Variants in MEMO1 observed in about 807,000 individuals in gnomAD.
MEMO1 encodes protein MEMO1.
A neutral mutation model predicts 45.2 loss-of-function variants in MEMO1; 6 were observed. The ratio of observed to expected loss-of-function variants is 0.13; its 90% CI spans 0.07 to 0.26. The LOEUF (loss-of-function observed/expected upper bound fraction) is 0.26. Ranked by LOEUF, MEMO1 falls within the 10% of genes least tolerant of loss-of-function variation. The pLI is 1.00. For missense variants in MEMO1, 184 were observed against 370.5 expected, an observed-to-expected ratio of 0.50 and a Z score of 4.13; for synonymous variants, 78 against 124.3, an observed-to-expected ratio of 0.63 and a Z score of 2.48.
chr2:31,996,760 G>A (rs928992568), intron 2 of MEMO1, among the ~76,000 whole-genome samples: 6 of 152,082 alleles, frequency 3.9e-5, no homozygotes, highest in Admixed American at 6.6e-5. Context: ...AGTCAAGGTC[G>A]TGCTCTGTCA....
intron 2 of MEMO1, among the ~76,000 whole-genome samples, chr2:31,967,532 T>C (rs756718342): frequency 6.6e-6 from 1 of 152,198 alleles, no homozygotes; most frequent in Non-Finnish European, 1.5e-5. Context: ...CACTGCAGCC[T>C]TGACCTCCGG....
intron 2 of MEMO1, among the ~76,000 whole-genome samples, chr2:31,968,042 A>G (rs1174239947): frequency 6.6e-6 from 1 of 152,152 alleles, no homozygotes; most frequent in Non-Finnish European, 1.5e-5. Flanking sequence ...TGGAAGTAAA[A>G]ACTCACAATG....
At chr2:31,894,615 G>C (rs1677474232) in intron 6 of MEMO1, among the ~76,000 whole-genome samples, 3 of 152,138 alleles carry the variant, frequency 2.0e-5, no homozygotes, top group Admixed American at 6.5e-5. Flanking sequence ...AAGGTCCTAA[G>C]CTCCACACAA....
At chr2:31,875,690 T>A (rs1418164101) in intron 8 of MEMO1, among the ~76,000 whole-genome samples, 1 of 151,798 alleles carries the variant, frequency 6.6e-6, no homozygotes, top group African/African-American at 2.4e-5. Context: ...ACTTCCTTTA[T>A]TTTTTTTCTT....
In MEMO1 at chr2:31,932,053, AC is replaced by A; in HGVS notation, c.212+13del. 6.2e-7 allele frequency: 1 copy of A among 1,607,928 alleles called. No individual in the cohort carries two copies. The highest frequency in any genetic ancestry group is 1.1e-5 in the South Asian group (1 of 90,082). On this transcript the variant is annotated intron_variant, in intron 4 of 9. Transcript: ENST00000404530. ...TCAAGCTTCTCCGACTTAAAACAAA[AC>A]TACATTACTTACGTAATAGACGGAT...
At chr2:31,927,580 G>C (rs533091163) in intron 4 of MEMO1, among the ~76,000 whole-genome samples, 1 of 147,718 alleles carries the variant, frequency 6.8e-6, no homozygotes, top group East Asian at 2.0e-4. Flanking sequence ...CTTTTATTAA[G>C]CCAAACATTA....
At chr2:31,893,481 A>C (rs1179126177) in intron 6 of MEMO1, among the ~76,000 whole-genome samples, 1 of 152,210 alleles carries the variant, frequency 6.6e-6, no homozygotes, top group African/African-American at 2.4e-5. Context: ...AATTATTCTA[A>C]CCTCAACTAC....
intron 3 of MEMO1, among the ~76,000 whole-genome samples, chr2:31,934,005 G>C (rs969344052): frequency 1.3e-5 from 2 of 152,122 alleles, no homozygotes; most frequent in African/African-American, 4.8e-5. Flanking sequence ...CTAACACCTG[G>C]TTCTTGATCT....
intron 8 of MEMO1, among the ~76,000 whole-genome samples, chr2:31,871,164 A>G (rs1673664035): frequency 6.6e-6 from 1 of 152,210 alleles, no homozygotes; most frequent in African/African-American, 2.4e-5. Flanking sequence ...CACCAATTAT[A>G]TTATTTTCTT....
chr2:31,909,469 C>G (rs1481506199), intron 6 of MEMO1, among the ~76,000 whole-genome samples: 1 of 152,048 alleles, frequency 6.6e-6, no homozygotes, highest in African/African-American at 2.4e-5. Flanking sequence ...AAACAGCAAT[C>G]AAACTGAAAA....
At chr2:31,923,452 A>C in intron 4 of MEMO1, 1 of 475,428 alleles carries the variant, frequency 2.1e-6, no homozygotes, top group South Asian at 6.6e-5. Flanking sequence ...GAACCATTTC[A>C]AAAAAAAAGT....
intron 2 of MEMO1, among the ~76,000 whole-genome samples, chr2:31,994,856 G>A (rs1254106831): frequency 6.6e-6 from 1 of 151,906 alleles, no homozygotes; most frequent in Admixed American, 6.6e-5. Context: ...GCTGAGGCAG[G>A]AGGATCAATT....
At chr2:32,003,100 A>G (rs1011320240) in intron 2 of MEMO1, among the ~76,000 whole-genome samples, 2 of 152,182 alleles carry the variant, frequency 1.3e-5, no homozygotes, top group South Asian at 2.1e-4. Context: ...ACCAAGATGT[A>G]TTATTTTGAC....
At chr2:31,976,635 T>C (rs540397515) in intron 2 of MEMO1, among the ~76,000 whole-genome samples, 2 of 152,180 alleles carry the variant, frequency 1.3e-5, no homozygotes, top group African/African-American at 2.4e-5. Context: ...TAATTAAATA[T>C]CTCAACTGTC....
chr2:31,944,266 TCTC>T (rs1327122211), intron 2 of MEMO1, among the ~76,000 whole-genome samples: 1 of 152,200 alleles, frequency 6.6e-6, no homozygotes, highest in Admixed American at 6.5e-5. Context: ...GTGAATCTGC[TCTC>T]CTATCTTTAA....
chr2:31,952,628 A>G lies in MEMO1; in HGVS notation c.62-9245T>C, dbSNP rs572941235. On this transcript the variant is annotated intron_variant, in intron 2 of 9. Coordinates refer to ENST00000404530, the MANE Select transcript of MEMO1 (RefSeq NM_001301833.4). ...TATAAATCAGTTTCCTAGCTCTGTC[A>G]AATGCCACTAAATACTTTGATAATA... Among the ~76,000 whole-genome samples, 73 of 152,326 alleles carry G rather than the reference A, an allele frequency of 4.8e-4. 1 individual carries two copies. Among genetic ancestry groups the G allele is most frequent in the Non-Finnish European group, 7.2e-4 (49 of 68,026 alleles).
At chr2:31,914,522 T>G (rs1038950916) in intron 6 of MEMO1, among the ~76,000 whole-genome samples, 1 of 152,190 alleles carries the variant, frequency 6.6e-6, no homozygotes, top group Non-Finnish European at 1.5e-5. Flanking sequence ...TAAAGATAAA[T>G]GCTTGAAGTG....
rs148034501 is a variant in MEMO1, at chr2:31,946,003, G to A, written c.62-2620C>T. 2.1e-4 allele frequency among the ~76,000 whole-genome samples: 32 copies of A among 152,254 alleles called. No homozygotes were observed. In the East Asian group the frequency reaches 6.0e-3, roughly 28 times the overall value. ...TTCTTTTGGTCTTTGCAATCTTTTA[G>A]CAGATTGCTTGTGATACACGTGTCA... On this transcript the variant is annotated intron_variant, in intron 2 of 9. Transcript: ENST00000404530.
intron 2 of MEMO1, among the ~76,000 whole-genome samples, chr2:31,977,233 G>A (rs1463915079): frequency 6.6e-6 from 1 of 152,114 alleles, no homozygotes; most frequent in Non-Finnish European, 1.5e-5. Context: ...AGCTAGAATA[G>A]CTGACCCCTT....
Sources: gnomAD v4.1 joint callset for allele counts (sites outside exome capture counted in the v4.1 genomes callset) on GRCh38, gnomAD v4.1.1 for gene constraint, MANE v1.5 for transcripts, NCBI Gene and HGNC (gene_info 2026-07-23, HGNC 2026-07-21) for gene names.